TM9SF2: variants seen among roughly 807,000 people sequenced by gnomAD.
The protein encoded by TM9SF2 is transmembrane 9 superfamily member 2.
TM9SF2 carries 13 observed loss-of-function variants against 84.9 expected under a neutral mutation model. The observed-to-expected ratio is 0.15, with a 90% CI of 0.10 to 0.24. The LOEUF (loss-of-function observed/expected upper bound fraction) is 0.24, where lower values mean the gene tolerates loss of function less well. TM9SF2 is among the 10% of genes least tolerant of loss of function. The pLI is 1.00. For synonymous variants in TM9SF2, 273 were observed against 285.8 expected (o/e 0.96, Z 0.45); for missense variants, 562 against 818.5 (o/e 0.69, Z 3.82).
chr13:99,532,241 G>T (rs2046213740), intron 4 of TM9SF2, among the ~76,000 whole-genome samples: 1 of 151,428 alleles, frequency 6.6e-6, no homozygotes, highest in African/African-American at 2.4e-5. Context: ...TAGTAGAGAC[G>T]GGGTTTCACT....
intron 1 of TM9SF2, among the ~76,000 whole-genome samples, chr13:99,508,443 A>ACACACACACACACACCC (rs1311954976): frequency 1.4e-5 from 2 of 147,448 alleles, no homozygotes; most frequent in Non-Finnish European, 3.0e-5. Context: ...ACACACACAC[A>ACACACACACACACACCC]CCCCAGAGAT....
At chr13:99,552,931 G>C (rs544038197) in intron 13 of TM9SF2, among the ~76,000 whole-genome samples, 1 of 152,330 alleles carries the variant, frequency 6.6e-6, no homozygotes, top group Admixed American at 6.5e-5. Context: ...TGCAGAGTAA[G>C]AGTAGCAAAT....
intron 11 of TM9SF2, 28 bp downstream of exon 11, chr13:99,547,132 C>G: frequency 6.2e-7 from 1 of 1,613,118 alleles, no homozygotes; most frequent in Non-Finnish European, 8.5e-7. Flanking sequence ...TGACTGGCGT[C>G]TGATCAGGAA....
chr13:99,549,755 A>G (rs1004350746), intron 12 of TM9SF2, among the ~76,000 whole-genome samples: 3 of 152,234 alleles, frequency 2.0e-5, no homozygotes, highest in African/African-American at 7.2e-5. Flanking sequence ...TCCTAGAAGC[A>G]AAACCCACTT....
intron 1 of TM9SF2, among the ~76,000 whole-genome samples, chr13:99,507,498 C>T (rs1222587918): frequency 1.3e-5 from 2 of 152,070 alleles, no homozygotes; most frequent in East Asian, 1.9e-4. Flanking sequence ...TTACTTCTTT[C>T]GTTGATATAG....
At chr13:99,509,266 C>G (rs1397380876) in intron 1 of TM9SF2, among the ~76,000 whole-genome samples, 1 of 152,222 alleles carries the variant, frequency 6.6e-6, no homozygotes, top group Admixed American at 6.5e-5. Context: ...AATGAATCTA[C>G]TATTCTGGAG....
intron 1 of TM9SF2, among the ~76,000 whole-genome samples, chr13:99,503,602 G>A (rs1376851268): frequency 5.3e-5 from 8 of 151,816 alleles, no homozygotes; most frequent in Admixed American, 1.3e-4. Context: ...CCAGCTACTC[G>A]GGAGGCTGAG....
chr13:99,530,847 A>G (rs971179390), intron 4 of TM9SF2, among the ~76,000 whole-genome samples: 1 of 149,312 alleles, frequency 6.7e-6, no homozygotes, highest in African/African-American at 2.5e-5. Context: ...TTATTATACA[A>G]TATTCAAACA....
chr13:99,552,189 A>G lies in TM9SF2; in HGVS notation c.1351A>G (p.Ile451Val). Reference sequence around the variant, plus strand: ...CAGGATTGTATTTGCTGACTTCTTTATAATGAATCTGATCCTCTGGGGAGA... The same window carrying G: ...CAGGATTGTATTTGCTGACTTCTTTGTAATGAATCTGATCCTCTGGGGAGA... ...CPGIVFADFF[I>V]MNLILWGEGS... Residue 451 changes from isoleucine (I) to valine (V), a missense_variant, in exon 13 of 17, where the codon ATA becomes GTA. Around this residue, in one of 4 missense-constraint regions of TM9SF2, gnomAD observed 219 missense variants for 338.1 expected, o/e 0.65. Coordinates refer to ENST00000376387, the MANE Select transcript of TM9SF2 (RefSeq NM_004800.3). 1 of 1,613,952 alleles carries G rather than the reference A, an allele frequency of 6.2e-7. No homozygotes were observed. The highest frequency in any genetic ancestry group is 8.5e-7 in the Non-Finnish European group (1 of 1,179,954).
At chr13:99,502,225 A>G (rs542402287) in intron 1 of TM9SF2, among the ~76,000 whole-genome samples, 1 of 152,348 alleles carries the variant, frequency 6.6e-6, no homozygotes, top group East Asian at 1.9e-4. Flanking sequence ...AACAGTTTCC[A>G]TTAGCTTTTA....
intron 4 of TM9SF2, among the ~76,000 whole-genome samples, chr13:99,531,343 A>G (rs2046208256): frequency 2.0e-5 from 3 of 152,162 alleles, no homozygotes; most frequent in Admixed American, 2.0e-4. Context: ...GTGTTCATGC[A>G]CTTCCTTTTG....
At chr13:99,558,345 T>C (rs530585040) in intron 15 of TM9SF2, among the ~76,000 whole-genome samples, 8 of 152,222 alleles carry the variant, frequency 5.3e-5, no homozygotes, top group Non-Finnish European at 1.2e-4. Flanking sequence ...ACTTTTCCAA[T>C]CTGCAAAAAT....
chr13:99,505,099 CA>C (rs1340213389), intron 1 of TM9SF2, among the ~76,000 whole-genome samples: 1 of 150,772 alleles, frequency 6.6e-6, no homozygotes, highest in Non-Finnish European at 1.5e-5. Flanking sequence ...TGTGTTGCCA[CA>C]TCATTTTAAT....
chr13:99,528,737 CAT>C (rs1319973988), intron 3 of TM9SF2, among the ~76,000 whole-genome samples: 21 of 152,110 alleles, frequency 1.4e-4, no homozygotes, highest in African/African-American at 4.3e-4. Flanking sequence ...AGAATGAAAA[CAT>C]TGGCTGACAG....
At chr13:99,501,837 G>T in intron 1 of TM9SF2, 60 bp downstream of exon 1, 1 of 1,551,936 alleles carries the variant, frequency 6.4e-7, no homozygotes. Flanking sequence ...GTCCCTATCC[G>T]GGGGAGCTGA....
chr13:99,501,570 C>G lies in TM9SF2; in HGVS notation c.-37C>G, dbSNP rs765936402. ...CCCCACCCCTCCTTCCCTCTTGACCCCCTAGGTTTGATTGCCCTTTCCCCG... is the reference window on the plus strand; with the variant it reads ...CCCCACCCCTCCTTCCCTCTTGACCGCCTAGGTTTGATTGCCCTTTCCCCG... On this transcript the variant is annotated 5_prime_UTR_variant, in exon 1 of 17. Transcript: ENST00000376387. 1 of 1,606,338 alleles carries G rather than the reference C, an allele frequency of 6.2e-7. No individual in the cohort carries two copies. The highest frequency in any genetic ancestry group is 8.5e-7 in the Non-Finnish European group (1 of 1,176,834).
chr13:99,542,130 A>G (rs989442461), intron 9 of TM9SF2, among the ~76,000 whole-genome samples: 1 of 150,314 alleles, frequency 6.7e-6, no homozygotes, highest in Non-Finnish European at 1.5e-5. Context: ...CAGCCTGGCA[A>G]CAGAGCAAGA....
chr13:99,547,699 G>T (rs539311403), intron 11 of TM9SF2, among the ~76,000 whole-genome samples: 1 of 152,236 alleles, frequency 6.6e-6, no homozygotes, highest in African/African-American at 2.4e-5. Context: ...CACGGCCACA[G>T]AGTAAGGCTG....
At chr13:99,541,203 ACT>A (rs1418318669) in intron 8 of TM9SF2, among the ~76,000 whole-genome samples, 1 of 152,284 alleles carries the variant, frequency 6.6e-6, no homozygotes, top group East Asian at 1.9e-4. Context: ...TCTTTTTGAC[ACT>A]CACTAATTTA....
Sources: gnomAD v4.1 joint callset for allele counts (sites outside exome capture counted in the v4.1 genomes callset) on GRCh38, gnomAD v4.1.1 for gene constraint, gnomAD v4.1.1 regional missense constraint, MANE v1.5 for transcripts, NCBI Gene and HGNC (gene_info 2026-07-23, HGNC 2026-07-21) for gene names.